CNR1: variants seen among roughly 807,000 people sequenced by gnomAD.
CNR1 encodes cannabinoid receptor 1.
Under a neutral mutation model 23.0 loss-of-function variants are expected in CNR1, and 10 were observed. That is an observed-to-expected ratio of 0.43 (90% CI 0.27 to 0.74). The LOEUF (loss-of-function observed/expected upper bound fraction) is 0.74. Among genes scored for constraint, CNR1 ranks in the 30% least tolerant of loss-of-function variants. The pLI is 0.19. For missense variants in CNR1, 422 were observed against 618.8 expected (o/e 0.68, Z 3.37); for synonymous variants, 271 against 255.2 (o/e 1.06, Z -0.59).
intron 1 of CNR1, among the ~76,000 whole-genome samples, chr6:88,160,480 G>A (rs2127768930): frequency 6.7e-6 from 1 of 148,438 alleles, no homozygotes; most frequent in Admixed American, 6.7e-5. Flanking sequence ...TGTCACCCAG[G>A]CTGGAGTGCT....
intron 1 of CNR1, among the ~76,000 whole-genome samples, chr6:88,157,480 T>C (rs1777863947): frequency 6.6e-6 from 1 of 152,226 alleles, no homozygotes; most frequent in Admixed American, 6.5e-5. Context: ...AGAGTTAAAA[T>C]GGGTTATTAC....
chr6:88,146,255 A>C (rs1047458865), intron 1 of CNR1, among the ~76,000 whole-genome samples: 10 of 152,030 alleles, frequency 6.6e-5, no homozygotes, highest in African/African-American at 2.4e-4. Context: ...ACAGGTGCGC[A>C]CCACCATGCC....
intron 1 of CNR1, among the ~76,000 whole-genome samples, chr6:88,152,509 A>C (rs1777584286): frequency 6.6e-6 from 1 of 152,238 alleles, no homozygotes; most frequent in Non-Finnish European, 1.5e-5. Context: ...AATGCAACCA[A>C]GCACTTTCAT....
intron 1 of CNR1, chr6:88,164,296 T>G (rs1778256313): frequency 6.6e-6 from 1 of 152,364 alleles, no homozygotes; most frequent in South Asian, 2.1e-4. Context: ...GGGAGACATC[T>G]TTGAAACAAA....
At chr6:88,146,708 A>G (rs964667484) in intron 1 of CNR1, among the ~76,000 whole-genome samples, 2 of 152,220 alleles carry the variant, frequency 1.3e-5, no homozygotes, top group African/African-American at 4.8e-5. Flanking sequence ...GTATAGAGTG[A>G]TATCTATAAC....
intron 1 of CNR1, among the ~76,000 whole-genome samples, chr6:88,163,467 T>C (rs1262203497): frequency 6.6e-6 from 1 of 152,236 alleles, no homozygotes; most frequent in East Asian, 1.9e-4. Flanking sequence ...AAGTATTTGA[T>C]TTCTAATTCC....
intron 1 of CNR1, among the ~76,000 whole-genome samples, chr6:88,157,334 C>G (rs1213793041): frequency 6.6e-6 from 1 of 152,052 alleles, no homozygotes; most frequent in Non-Finnish European, 1.5e-5. Context: ...CTTTTATAAG[C>G]CCTCAGGAAT....
intron 1 of CNR1, among the ~76,000 whole-genome samples, chr6:88,146,099 TTTTCTTTC>T (rs554142350): frequency 6.6e-5 from 10 of 151,832 alleles, no homozygotes; most frequent in East Asian, 1.9e-4. Flanking sequence ...AGAGTTTTTT[TTTTCTTTC>T]TTTCTTTCTT....
At chr6:88,154,398 C>T (rs1002569014) in intron 1 of CNR1, among the ~76,000 whole-genome samples, 6 of 152,196 alleles carry the variant, frequency 3.9e-5, no homozygotes, top group African/African-American at 1.2e-4. Context: ...GGTGATGATG[C>T]TAAGAAACAA....
chr6:88,147,196 C>A (rs1328949189), intron 1 of CNR1, among the ~76,000 whole-genome samples: 1 of 152,128 alleles, frequency 6.6e-6, no homozygotes, highest in African/African-American at 2.4e-5. Flanking sequence ...CCTGTAATCC[C>A]TGCTACTCAG....
At chr6:88,163,466 AT>A (rs1216277405) in intron 1 of CNR1, among the ~76,000 whole-genome samples, 3 of 152,322 alleles carry the variant, frequency 2.0e-5, no homozygotes, top group South Asian at 4.1e-4. Context: ...AAAGTATTTG[AT>A]TTCTAATTCC....
intron 1 of CNR1, among the ~76,000 whole-genome samples, chr6:88,154,193 ATG>A (rs1341134384): frequency 6.6e-6 from 1 of 152,172 alleles, no homozygotes; most frequent in African/African-American, 2.4e-5. Context: ...CTAACACTAT[ATG>A]TGTTATGTTT....
At chr6:88,160,726 C>T (rs553540452) in intron 1 of CNR1, among the ~76,000 whole-genome samples, 4 of 152,132 alleles carry the variant, frequency 2.6e-5, no homozygotes, top group South Asian at 2.1e-4. Flanking sequence ...TGAGCTACCG[C>T]GCCTGGACTA....
At chr6:88,147,236 CG>C (rs1777246903) in intron 1 of CNR1, among the ~76,000 whole-genome samples, 2 of 152,166 alleles carry the variant, frequency 1.3e-5, no homozygotes, top group Admixed American at 1.3e-4. Context: ...CGCTTGAACC[CG>C]GGAGGCGGAG....
intron 1 of CNR1, among the ~76,000 whole-genome samples, chr6:88,155,972 T>C (rs550075425): frequency 1.2e-4 from 18 of 152,286 alleles, no homozygotes; most frequent in African/African-American, 4.1e-4. Context: ...TGTTTATTAG[T>C]AAATGAAAGC....
chr6:88,160,724 C>T (rs944157861), intron 1 of CNR1, among the ~76,000 whole-genome samples: 1 of 152,110 alleles, frequency 6.6e-6, no homozygotes, highest in African/African-American at 2.4e-5. Flanking sequence ...CGTGAGCTAC[C>T]GCGCCTGGAC....
chr6:88,162,567 A>T (rs190171872), intron 1 of CNR1, among the ~76,000 whole-genome samples: 1 of 152,370 alleles, frequency 6.6e-6, no homozygotes, highest in Admixed American at 6.5e-5. Context: ...AGTCCCCAAA[A>T]GCAGCATTCA....
At chr6:88,159,055 AT>A (rs1402867498) in intron 1 of CNR1, among the ~76,000 whole-genome samples, 1 of 152,202 alleles carries the variant, frequency 6.6e-6, no homozygotes, top group African/African-American at 2.4e-5. Context: ...ACACAGATAT[AT>A]ATTAAGAACT....
intron 1 of CNR1, among the ~76,000 whole-genome samples, chr6:88,159,844 C>T (rs1399528667): frequency 1.3e-5 from 2 of 152,108 alleles, no homozygotes; most frequent in African/African-American, 4.8e-5. Flanking sequence ...TTTAGCCAAA[C>T]GCCATGGAAT....
Sources: gnomAD v4.1 joint callset for allele counts (sites outside exome capture counted in the v4.1 genomes callset) on GRCh38, gnomAD v4.1.1 for gene constraint, MANE v1.5 for transcripts, NCBI Gene and HGNC (gene_info 2026-07-23, HGNC 2026-07-21) for gene names.